RNF146: variants seen among roughly 807,000 people sequenced by gnomAD.
The protein encoded by RNF146 is E3 ubiquitin-protein ligase RNF146.
RNF146 carries 11 observed loss-of-function variants against 29.7 expected under a neutral mutation model. The ratio of observed to expected loss-of-function variants is 0.37; its 90% CI spans 0.23 to 0.61. The LOEUF is 0.61. RNF146 is among the 20% of genes least tolerant of loss of function. The pLI, the probability that RNF146 is intolerant of heterozygous loss-of-function variation, is 0.66. For missense variants in RNF146, 342 were observed against 438.9 expected (o/e 0.78, Z 1.97); for synonymous variants, 150 against 159.7 (o/e 0.94, Z 0.46).
rs376235917 is a variant in RNF146 at position 127,287,255 on chromosome 6, C to A, written c.642C>A (p.Pro214=). 8 of 1,613,320 alleles carry A rather than the reference C, an allele frequency of 5.0e-6. No homozygotes were observed. Among genetic ancestry groups the A allele is most frequent in the Non-Finnish European group, 1.7e-6 (2 of 1,179,622 alleles). ...CACAGAGTGGAGCTTCTGTTCAGCC[C>A]CTAGTGTCTTCTGTAAGGCCCCTAA... ...VSAQSGASVQ[P]LVSSVRPLTS... The change falls in exon 3 of 3, where the codon CCC becomes CCA. Residue 214 remains proline, a synonymous_variant. Coordinates refer to ENST00000368314, the MANE Select transcript of RNF146 (RefSeq NM_001242850.2).
At chr6:127,270,369 A>C (rs921183379) in intron 1 of RNF146, among the ~76,000 whole-genome samples, 6 of 152,058 alleles carry the variant, frequency 3.9e-5, no homozygotes, top group Non-Finnish European at 7.4e-5. Context: ...TCATCATATT[A>C]AGTTTGGTGT....
chr6:127,272,317 G>T (rs936574634), intron 1 of RNF146, among the ~76,000 whole-genome samples: 1 of 152,140 alleles, frequency 6.6e-6, no homozygotes, highest in Non-Finnish European at 1.5e-5. Flanking sequence ...TTTGTGAAGA[G>T]CTCCCAGGTA....
chr6:127,287,410 G>GAGAAGA lies in RNF146; in HGVS notation c.801_806dup (p.Glu267_Glu268dup), dbSNP rs760706934. 9.3e-6 allele frequency: 15 copies of GAGAAGA among 1,613,342 alleles called. No homozygotes were observed. The highest frequency in any genetic ancestry group is 1.3e-5 in the Non-Finnish European group (15 of 1,179,638). On this transcript the variant is annotated inframe_insertion, in exon 3 of 3. Coordinates refer to ENST00000368314, the MANE Select transcript of RNF146 (RefSeq NM_001242850.2). ...GCTGAAAGGAGTCATAGGGGAGAAG[G>GAGAAGA]AGAAGAAGATCATGAATCACCATCT...
intron 2 of RNF146, among the ~76,000 whole-genome samples, chr6:127,283,546 A>C (rs796224729): frequency 8.4e-4 from 127 of 151,920 alleles, no homozygotes; most frequent in African/African-American, 2.9e-3. Context: ...AGGGTAGATT[A>C]AAATGGTTTT....
rs775060855 is a variant in RNF146, at chr6:127,286,822, G to A, written c.209G>A (p.Arg70Gln). 3.1e-6 allele frequency: 5 copies of A among 1,613,172 alleles called. No individual in the cohort carries two copies. Among genetic ancestry groups the A allele is most frequent in the South Asian group, 1.1e-5 (1 of 91,076 alleles). The stretch of plus-strand genomic sequence containing the variant: ...AAAGGAGCTTCATGGCTTGGAAAGC[G>A]GTGTGCTCTTTGTCGACAAGAAATT... The part of the protein sequence containing the change: ...CVKGASWLGK[R>Q]CALCRQEIPE... The change falls in exon 3 of 3, where the codon CGG becomes CAG. Residue 70 changes from arginine (R) to glutamine (Q), a missense_variant. Arg to Gln is a conservative substitution (Grantham distance 43, BLOSUM62 1). Coordinates refer to ENST00000368314, the MANE Select transcript of RNF146 (RefSeq NM_001242850.2). The surrounding 1 kb of genome is among the most constrained non-coding windows in gnomAD (Gnocchi z 4.6).
rs1779666776 is a variant in RNF146 at position 127,287,406 on chromosome 6, G to C, written c.793G>C (p.Glu265Gln). Reference sequence around the variant, plus strand: ...CACAGCTGAAAGGAGTCATAGGGGAGAAGGAGAAGAAGATCATGAATCACC... The same window carrying C: ...CACAGCTGAAAGGAGTCATAGGGGACAAGGAGAAGAAGATCATGAATCACC... Reference protein sequence around the residue: ...DNTAERSHRGEGEEDHESPSS... With the variant: ...DNTAERSHRGQGEEDHESPSS... Residue 265 changes from glutamate to glutamine, a missense_variant, in exon 3 of 3, where the codon GAA (glutamate) becomes CAA (glutamine). Around this residue, in one of 6 missense-constraint regions of RNF146, gnomAD observed 196 missense variants for 208.9 expected, o/e 0.94. Coordinates refer to ENST00000368314, the MANE Select transcript of RNF146 (RefSeq NM_001242850.2). 3 of 1,613,502 alleles carry C rather than the reference G, an allele frequency of 1.9e-6. No individual in the cohort carries two copies. The East Asian group carries it at 6.7e-5, about 36-fold the overall frequency.
At chr6:127,273,772 A>G (rs1471240378) in intron 1 of RNF146, among the ~76,000 whole-genome samples, 1 of 152,146 alleles carries the variant, frequency 6.6e-6, no homozygotes, top group Non-Finnish European at 1.5e-5. Context: ...GAAAAAAAAA[A>G]ATTGAAGAAA....
chr6:127,285,445 A>C, intron 2 of RNF146: 4 of 450,562 alleles, frequency 8.9e-6, no homozygotes, highest in Non-Finnish European at 1.2e-5. Flanking sequence ...TTAAGCTTTC[A>C]ATCTCTGACA....
chr6:127,287,316 C>T lies in RNF146; in HGVS notation c.703C>T (p.Pro235Ser). ...TGGTCAGTTAACAAGCCCTGCAACA[C>T]CATCCCCTGATGCAAGCACTTCTCT... ...VDGQLTSPAT[P>S]SPDASTSLED... Residue 235 changes from proline (P) to serine (S), a missense_variant, in exon 3 of 3, where the codon CCA (proline) becomes TCA (serine). Pro to Ser is a moderately conservative substitution (Grantham distance 74). Around this residue, in one of 6 missense-constraint regions of RNF146, gnomAD observed 196 missense variants for 208.9 expected, o/e 0.94. Transcript: ENST00000368314. The T allele has an allele frequency of 1.9e-6, 3 of 1,613,464 alleles. No individual in the cohort carries two copies. Among genetic ancestry groups the T allele is most frequent in the Non-Finnish European group, 2.5e-6 (3 of 1,179,636 alleles).
chr6:127,268,613 T>C (rs1377912612), intron 1 of RNF146, among the ~76,000 whole-genome samples: 1 of 152,226 alleles, frequency 6.6e-6, no homozygotes, highest in Admixed American at 6.5e-5. Context: ...TTAGAATTTA[T>C]GTCTCAAATG....
rs1251468483 is a variant in RNF146, at chr6:127,286,570, G to T, written c.3-46G>T. The T allele has an allele frequency of 1.3e-6, 2 of 1,498,464 alleles. No homozygotes were observed. The highest frequency in any genetic ancestry group is 1.8e-6 in the Non-Finnish European group (2 of 1,105,740). 92.8% of individuals were successfully genotyped at this position (1,498,464 alleles called of 1,614,324 possible). On this transcript the variant is annotated intron_variant, in intron 2 of 2. Transcript: ENST00000368314. The surrounding 1 kb of genome is among the most constrained non-coding windows in gnomAD (Gnocchi z 4.6). ...TTCATAATTGTTAAATTAAGATATT[G>T]CAAGAATTAAAACATGACTTTAATA...
intron 2 of RNF146, chr6:127,280,801 C>T (rs1778819011): frequency 6.6e-6 from 1 of 152,580 alleles, no homozygotes. Flanking sequence ...GCATTTTATT[C>T]ATATCACTTC....
At chr6:127,271,599 A>G (rs575914831) in intron 1 of RNF146, among the ~76,000 whole-genome samples, 23 of 152,216 alleles carry the variant, frequency 1.5e-4, no homozygotes, top group Non-Finnish European at 3.1e-4. Context: ...GCCACTAGCC[A>G]CATGGAGTTA....
chr6:127,287,497 A>G lies in RNF146; in HGVS notation c.884A>G (p.Asp295Gly), dbSNP rs1779681436. The change falls in exon 3 of 3, where the codon GAT becomes GGT. Residue 295 changes from aspartate (D) to glycine (G), a missense_variant. Transcript: ENST00000368314. ...GAAACTGAATCAGATGCCAGTAGTG[A>G]TAGTGAGGATGTATCTGCAGTTGTT... ...IEETESDASS[D>G]SEDVSAVVAQ... The G allele has an allele frequency of 6.2e-7, 1 of 1,613,226 alleles. No homozygotes were observed. Among genetic ancestry groups the G allele is most frequent in the Admixed American group, 1.7e-5 (1 of 59,874 alleles).
At chr6:127,284,529 C>CT (rs1779276688) in intron 2 of RNF146, among the ~76,000 whole-genome samples, 1 of 151,754 alleles carries the variant, frequency 6.6e-6, no homozygotes, top group African/African-American at 2.4e-5. Flanking sequence ...TTTATGGAAA[C>CT]TAACTTTTTT....
intron 1 of RNF146, among the ~76,000 whole-genome samples, chr6:127,272,603 T>G (rs1302566714): frequency 6.6e-6 from 1 of 152,212 alleles, no homozygotes; most frequent in East Asian, 1.9e-4. Flanking sequence ...TTTTATTGGT[T>G]GCATAAGATG....
At chr6:127,285,333 T>C (rs1191471042) in intron 2 of RNF146, 1 of 985,078 alleles carries the variant, frequency 1.0e-6, no homozygotes, top group Non-Finnish European at 1.2e-6. Flanking sequence ...TTATTGTTTT[T>C]CAATTTTTGA....
chr6:127,280,490 T>C, intron 2 of RNF146, 150 bp downstream of exon 2: 1 of 1,303,726 alleles, frequency 7.7e-7, no homozygotes. Context: ...TAACAATTTA[T>C]TTACATTAAG....
At chr6:127,271,858 G>C (rs1459151294) in intron 1 of RNF146, among the ~76,000 whole-genome samples, 3 of 152,002 alleles carry the variant, frequency 2.0e-5, no homozygotes, top group Admixed American at 2.0e-4. Flanking sequence ...ATCTTGCCCA[G>C]GCTGGTCTAT....
Sources: gnomAD v4.1 joint callset for allele counts (sites outside exome capture counted in the v4.1 genomes callset) on GRCh38, gnomAD v4.1.1 for gene constraint, gnomAD v4.1.1 regional missense constraint, Gnocchi (gnomAD v3.1) non-coding constraint, MANE v1.5 for transcripts, NCBI Gene and HGNC (gene_info 2026-07-23, HGNC 2026-07-21) for gene names.